Variants in JMY observed in about 807,000 individuals in gnomAD.
JMY encodes the protein junction-mediating and -regulatory protein.
JMY carries 46 observed loss-of-function variants against 103.3 expected under a neutral mutation model. The observed-to-expected ratio is 0.45, with a 90% CI of 0.35 to 0.57. The LOEUF (loss-of-function observed/expected upper bound fraction) is 0.57, where lower values mean the gene tolerates loss of function less well. Among genes scored for constraint, JMY ranks in the 20% least tolerant of loss-of-function variants. The probability of loss-of-function intolerance (pLI) is 0.00; values close to 1 mark genes in which losing one functional copy is unlikely to be tolerated. For missense variants in JMY, 1,238 were observed against 1,255.2 expected, an observed-to-expected ratio of 0.99 and a Z score of 0.21; for synonymous variants, 526 against 489.3, an observed-to-expected ratio of 1.07 and a Z score of -0.99.
chr5:79,258,420 G>A (rs931348054), intron 1 of JMY, among the ~76,000 whole-genome samples: 1 of 150,314 alleles, frequency 6.7e-6, no homozygotes, highest in Non-Finnish European at 1.5e-5. Flanking sequence ...GGCCAGTGGT[G>A]CCTTTGCCTG....
rs922126696 is a variant in JMY, at chr5:79,326,152, T to C, written c.*4550T>C. ...TTCACACTGAATCTCAAAGCAGTCATTTGTTTTGCGGGTTAGGGGAAAGTT... is the reference window on the plus strand; with the variant it reads ...TTCACACTGAATCTCAAAGCAGTCACTTGTTTTGCGGGTTAGGGGAAAGTT... On this transcript the variant is annotated 3_prime_UTR_variant, in exon 11 of 11. Transcript: ENST00000396137. 2.6e-5 allele frequency: 4 copies of C among 152,112 alleles called. No homozygotes were observed. Among genetic ancestry groups the C allele is most frequent in the African/African-American group, 9.7e-5 (4 of 41,436 alleles). 9.4% of individuals were successfully genotyped at this position (152,112 alleles called of 1,614,324 possible).
rs1580319441 is a variant in JMY at position 79,237,078 on chromosome 5, C to T, written c.428C>T (p.Pro143Leu). Residue 143 changes from proline to leucine, a missense_variant, in exon 1 of 11, where the codon CCA becomes CTA. Transcript: ENST00000396137. ...SKGAESRLRS[P>L]VRAKPIPGQK... ...GGGGCGGAGAGTCGTCTTAGGAGCC[C>T]AGTGCGGGCCAAACCCATCCCGGGT... 2.6e-6 allele frequency: 4 copies of T among 1,541,156 alleles called. No individual in the cohort carries two copies. In the African/African-American group the frequency reaches 4.1e-5, roughly 16 times the overall value.
At position 79,236,530 on chromosome 5, in the gene JMY, G is replaced by C. The variant is rs990347132; in HGVS notation, c.-121G>C. 2 of 708,218 alleles carry C rather than the reference G, an allele frequency of 2.8e-6. No individual in the cohort carries two copies. Among genetic ancestry groups the C allele is most frequent in the Non-Finnish European group, 4.1e-6 (2 of 493,764 alleles). The allele number at this position is 708,218 out of a possible 1,614,324, so 43.9% of individuals were successfully genotyped here. On this transcript the variant is annotated 5_prime_UTR_variant, in exon 1 of 11. Coordinates refer to ENST00000396137, the MANE Select transcript of JMY (RefSeq NM_152405.5). ...GCGAACGAGCCGGGAGAGCCGGCCG[G>C]CGCACTAAGATGGCTGAAGGCGCCC...
chr5:79,278,201 C>T (rs940991544), intron 2 of JMY, 118 bp downstream of exon 2: 118 of 829,608 alleles, frequency 1.4e-4, no homozygotes, highest in Admixed American at 8.7e-4. Context: ...GGTACCTGGT[C>T]CTATTTCTGC....
At chr5:79,238,586 C>G (rs1223931114) in intron 1 of JMY, among the ~76,000 whole-genome samples, 1 of 150,990 alleles carries the variant, frequency 6.6e-6, no homozygotes, top group Non-Finnish European at 1.5e-5. Flanking sequence ...AAGCAAGTTA[C>G]TGTTTTTACT....
intron 8 of JMY, 38 bp from the exon 9 acceptor site, chr5:79,314,219 T>A: frequency 6.4e-7 from 1 of 1,550,830 alleles, no homozygotes. Flanking sequence ...ATTGTTTCAA[T>A]AACATTTAAC....
Position 79,290,158 on chromosome 5 carries a change from T to C in JMY, c.1244T>C (p.Ile415Thr), listed in dbSNP as rs1412751737. The C allele has an allele frequency of 6.3e-7, 1 of 1,596,804 alleles. No homozygotes were observed. The highest frequency in any genetic ancestry group is 8.5e-7 in the Non-Finnish European group (1 of 1,170,670). ...AATGATTATCTGGGACCTCGAAGAA[T>C]TGAGAGTCTACAAAAAGAAGATGCT... ...MENDYLGPRRIESLQKEDADW... is the reference protein window; with the variant it reads ...MENDYLGPRRTESLQKEDADW... The change falls in exon 3 of 11, where the codon ATT becomes ACT. Residue 415 changes from isoleucine to threonine, a missense_variant. By Grantham distance (89) the Ile-to-Thr change is moderately conservative. Coordinates refer to ENST00000396137, the MANE Select transcript of JMY (RefSeq NM_152405.5).
At chr5:79,273,125 TATC>T (rs1479027173) in intron 1 of JMY, among the ~76,000 whole-genome samples, 1 of 152,256 alleles carries the variant, frequency 6.6e-6, no homozygotes, top group Admixed American at 6.5e-5. Context: ...TTCCTACTAA[TATC>T]ATTTCCAGCA....
At chr5:79,240,709 G>A (rs1744712083) in intron 1 of JMY, among the ~76,000 whole-genome samples, 1 of 152,178 alleles carries the variant, frequency 6.6e-6, no homozygotes, top group Non-Finnish European at 1.5e-5. Context: ...GATTATATTG[G>A]GGGAGGGAGG....
chr5:79,313,566 C>T (rs1747115645), intron 8 of JMY, among the ~76,000 whole-genome samples: 1 of 152,098 alleles, frequency 6.6e-6, no homozygotes, highest in Admixed American at 6.6e-5. Flanking sequence ...TGCCAAGTAA[C>T]CTGTTAAAGA....
chr5:79,250,508 T>TA (rs1203250698), intron 1 of JMY, among the ~76,000 whole-genome samples: 4 of 152,186 alleles, frequency 2.6e-5, no homozygotes, highest in Non-Finnish European at 5.9e-5. Flanking sequence ...GATTTGCAAA[T>TA]ATTCCAGTTG....
At chr5:79,284,669 AT>A (rs1174751896) in intron 2 of JMY, 1 of 1,584,598 alleles carries the variant, frequency 6.3e-7, no homozygotes, top group Non-Finnish European at 8.6e-7. Context: ...ATCAGCTTGA[AT>A]TTTCTAAGTG....
intron 4 of JMY, among the ~76,000 whole-genome samples, chr5:79,292,556 A>G (rs1287813260): frequency 2.0e-5 from 3 of 152,134 alleles, no homozygotes; most frequent in East Asian, 1.9e-4. Flanking sequence ...CCTGGGCTCA[A>G]GCAGTCCTTC....
intron 2 of JMY, chr5:79,284,449 G>C (rs1746210229): frequency 6.4e-7 from 1 of 1,564,872 alleles, no homozygotes; most frequent in African/African-American, 1.3e-5. Flanking sequence ...GGACCCGTTG[G>C]TGCTGGGCAT....
chr5:79,301,954 G>A (rs1452764750), intron 6 of JMY, among the ~76,000 whole-genome samples: 6 of 151,876 alleles, frequency 4.0e-5, no homozygotes, highest in South Asian at 4.2e-4. Context: ...ATGGTGGCAC[G>A]CGCCTGTAAT....
intron 2 of JMY, among the ~76,000 whole-genome samples, chr5:79,281,293 C>A (rs1438660342): frequency 6.6e-6 from 1 of 151,548 alleles, no homozygotes; most frequent in African/African-American, 2.4e-5. Context: ...ATCCACCCAC[C>A]TCGGCCTCCC....
chr5:79,267,621 C>T (rs1257219923), intron 1 of JMY, among the ~76,000 whole-genome samples: 2 of 152,208 alleles, frequency 1.3e-5, no homozygotes, highest in African/African-American at 2.4e-5. Flanking sequence ...CCCTGTGTTG[C>T]CCAGGCTGGT....
At position 79,312,465 on chromosome 5, in the gene JMY, G is replaced by C; in HGVS notation, c.2031G>C (p.Gln677His). 6.3e-7 allele frequency: 1 copy of C among 1,579,898 alleles called. No homozygotes were observed. Among genetic ancestry groups the C allele is most frequent in the South Asian group, 1.2e-5 (1 of 83,280 alleles). Reference sequence around the variant, plus strand: ...GTGCCTGGGTTAGCCAAGAGAGACAGAGAACACTGGATAGACTTCGAACAT... The same window carrying C: ...GTGCCTGGGTTAGCCAAGAGAGACACAGAACACTGGATAGACTTCGAACAT... Reference protein sequence around the residue: ...RKSAWVSQERQRTLDRLRTFK... With the variant: ...RKSAWVSQERHRTLDRLRTFK... Residue 677 changes from glutamine (Q) to histidine (H), a missense_variant, in exon 8 of 11, where the codon CAG becomes CAC. Coordinates refer to ENST00000396137, the MANE Select transcript of JMY (RefSeq NM_152405.5).
At chr5:79,302,210 T>G (rs1247964749) in intron 6 of JMY, among the ~76,000 whole-genome samples, 1 of 152,120 alleles carries the variant, frequency 6.6e-6, no homozygotes, top group Non-Finnish European at 1.5e-5. Flanking sequence ...GTATTTTATA[T>G]ATTACTTTTA....
Sources: gnomAD v4.1 joint callset for allele counts (sites outside exome capture counted in the v4.1 genomes callset) on GRCh38, gnomAD v4.1.1 for gene constraint, MANE v1.5 for transcripts, NCBI Gene and HGNC (gene_info 2026-07-23, HGNC 2026-07-21) for gene names.